NRXN3: variants seen among roughly 807,000 people sequenced by gnomAD.
NRXN3 encodes neurexin 3.
In NRXN3, 32 loss-of-function variants were observed where a neutral mutation model predicts 137.6. That is an observed-to-expected ratio of 0.23 (90% CI 0.18 to 0.31). The LOEUF (loss-of-function observed/expected upper bound fraction) is 0.31. Ranked by LOEUF, NRXN3 falls within the 10% of genes least tolerant of loss-of-function variation. The pLI, the probability that NRXN3 is intolerant of heterozygous loss-of-function variation, is 1.00. For synonymous variants in NRXN3, 798 were observed against 784.5 expected (o/e 1.02, Z -0.29); for missense variants, 1,574 against 2,062.5 (o/e 0.76, Z 4.59).
chr14:78,805,734 C>G (rs1863027), intron 9 of NRXN3, among the ~76,000 whole-genome samples: 136,941 of 152,190 alleles, frequency 0.9, 63,129 homozygotes, highest in East Asian at 1. Context: ...CAGCCCCACG[C>G]GATCCTGAGG....
At chr14:78,231,524 C>T (rs1052438320) in intron 1 of NRXN3, 5 of 152,220 alleles carry the variant, frequency 3.3e-5, no homozygotes, top group African/African-American at 4.8e-5. Flanking sequence ...TGGCCTTGTC[C>T]TTGGCTACAC....
intron 15 of NRXN3, among the ~76,000 whole-genome samples, chr14:79,137,961 C>G (rs1370225892): frequency 6.6e-6 from 1 of 151,950 alleles, no homozygotes; most frequent in Non-Finnish European, 1.5e-5. Flanking sequence ...ACCTATGGCA[C>G]GTGTTATGCT....
At chr14:78,757,720 T>TA (rs1374210573) in intron 8 of NRXN3, among the ~76,000 whole-genome samples, 2 of 152,162 alleles carry the variant, frequency 1.3e-5, no homozygotes, top group Non-Finnish European at 2.9e-5. Flanking sequence ...AAACTGTGAA[T>TA]AAAAAATGTG....
At chr14:79,135,852 T>C (rs2219847) in intron 15 of NRXN3, among the ~76,000 whole-genome samples, 2,689 of 152,324 alleles carry the variant, frequency 0.018, 78 homozygotes, top group African/African-American at 0.062. Flanking sequence ...GTCAGTTTTC[T>C]AAGATCACAC....
At chr14:78,298,587 C>T (rs2076583109) in intron 4 of NRXN3, among the ~76,000 whole-genome samples, 1 of 152,184 alleles carries the variant, frequency 6.6e-6, no homozygotes, top group Admixed American at 6.5e-5. Context: ...CCTTTTTCTC[C>T]TAAATAAAAA....
rs566721588 is a variant in NRXN3, at chr14:78,318,013, A to T, written c.757+20153A>T. 4.6e-5 allele frequency among the ~76,000 whole-genome samples: 7 copies of T among 152,324 alleles called. No homozygotes were observed. In the East Asian group the frequency reaches 9.7e-4, roughly 21 times the overall value. On this transcript the variant is annotated intron_variant, in intron 4 of 20. Transcript: ENST00000335750. ...ATATTGAGTTGCAAATGCCAGCTCT[A>T]CCTTGATAGAATAACTTTCAAAATA... is the stretch of plus-strand genomic sequence containing the variant.
intron 19 of NRXN3, among the ~76,000 whole-genome samples, chr14:79,745,379 G>A (rs2098976567): frequency 6.6e-6 from 1 of 152,006 alleles, no homozygotes; most frequent in African/African-American, 2.4e-5. Flanking sequence ...ACCATTTCCA[G>A]CAAACTCCCC....
chr14:78,195,849 T>C (rs2061180000), intron 1 of NRXN3, among the ~76,000 whole-genome samples: 1 of 152,224 alleles, frequency 6.6e-6, no homozygotes, highest in Non-Finnish European at 1.5e-5. Context: ...CTAGCTGGGC[T>C]CCATTGTAAC....
intron 4 of NRXN3, among the ~76,000 whole-genome samples, chr14:78,429,425 C>G (rs1201338832): frequency 2.6e-5 from 4 of 152,122 alleles, no homozygotes; most frequent in Admixed American, 2.6e-4. Context: ...TTGTTAGTTC[C>G]TCAGCTTTCT....
intron 4 of NRXN3, among the ~76,000 whole-genome samples, chr14:78,401,685 G>A (rs2092076915): frequency 6.6e-6 from 1 of 152,160 alleles, no homozygotes; most frequent in South Asian, 2.1e-4. Flanking sequence ...CAGATATTAT[G>A]CTCCTTTGCT....
rs1209674415 is a variant in NRXN3, at chr14:79,648,189, C to G, written c.3445-15589C>G. The stretch of plus-strand genomic sequence containing the variant: ...TCCCTACTTACCCTACTATACAAAA[C>G]AAACAAACAAACAAACAAACAAAAA... On this transcript the variant is annotated intron_variant, in intron 16 of 20. Coordinates refer to ENST00000335750, the MANE Select transcript of NRXN3 (RefSeq NM_001330195.2). Among the ~76,000 whole-genome samples, 3 of 133,572 alleles carry G rather than the reference C, an allele frequency of 2.2e-5. 1 individual carries two copies. Among genetic ancestry groups the G allele is most frequent in the Non-Finnish European group, 5.2e-5 (3 of 57,674 alleles). The allele number at this position is 133,572 out of a possible 152,430, so 87.6% of individuals were successfully genotyped here. A position where few individuals can be genotyped will look rare whatever the true frequency, so the allele number is the denominator to read the frequency against.
chr14:79,642,335 C>G (rs2098437162), intron 16 of NRXN3, among the ~76,000 whole-genome samples: 1 of 135,570 alleles, frequency 7.4e-6, no homozygotes, highest in Non-Finnish European at 1.7e-5. Flanking sequence ...CCCATTTTGA[C>G]CAAGCCATCC....
chr14:78,263,982 ATCT>A (rs1567116930), intron 2 of NRXN3, among the ~76,000 whole-genome samples: 1 of 151,126 alleles, frequency 6.6e-6, no homozygotes, highest in Non-Finnish European at 1.5e-5. Flanking sequence ...GAAAAACCAA[ATCT>A]TCTTCCTACA....
At chr14:78,802,495 G>T (rs1046844319) in intron 8 of NRXN3, among the ~76,000 whole-genome samples, 2 of 152,240 alleles carry the variant, frequency 1.3e-5, no homozygotes, top group African/African-American at 2.4e-5. Context: ...TAACTAACCT[G>T]CACGTTGTGC....
chr14:79,703,638 C>T (rs1390275920), intron 19 of NRXN3, among the ~76,000 whole-genome samples: 1 of 152,006 alleles, frequency 6.6e-6, no homozygotes, highest in Non-Finnish European at 1.5e-5. Flanking sequence ...AACTGCCCCC[C>T]TGATCCCCCC....
At chr14:79,253,900 C>T (rs2076252106) in intron 15 of NRXN3, among the ~76,000 whole-genome samples, 1 of 152,070 alleles carries the variant, frequency 6.6e-6, no homozygotes. Context: ...AAGTGGGTGC[C>T]CAAAACATTG....
chr14:79,648,207 A>G (rs2098460498), intron 16 of NRXN3, among the ~76,000 whole-genome samples: 1 of 134,124 alleles, frequency 7.5e-6, no homozygotes, highest in South Asian at 2.4e-4. Flanking sequence ...CAAACAAACA[A>G]ACAAAAAACA....
chr14:78,878,366 A>G (rs150525891), intron 10 of NRXN3, among the ~76,000 whole-genome samples: 62 of 152,326 alleles, frequency 4.1e-4, no homozygotes, highest in African/African-American at 1.4e-3. Flanking sequence ...AAATTATTTA[A>G]TAAAATTTCT....
At chr14:78,339,166 G>GA (rs2081867549) in intron 4 of NRXN3, among the ~76,000 whole-genome samples, 1 of 152,184 alleles carries the variant, frequency 6.6e-6, no homozygotes, top group African/African-American at 2.4e-5. Flanking sequence ...GAAGCTGAAG[G>GA]AAAGAGGTAA....
Sources: gnomAD v4.1 joint callset for allele counts (sites outside exome capture counted in the v4.1 genomes callset) on GRCh38, gnomAD v4.1.1 for gene constraint, MANE v1.5 for transcripts, NCBI Gene and HGNC (gene_info 2026-07-23, HGNC 2026-07-21) for gene names.